The following RBPMS variants were observed in gnomAD, a reference collection of about 807,000 sequenced individuals.
RBPMS encodes RNA binding protein, mRNA processing factor, also known as RNA-binding protein with multiple splicing.
A neutral mutation model predicts 26.8 loss-of-function variants in RBPMS; 7 were observed. The ratio of observed to expected loss-of-function variants is 0.26; its 90% CI spans 0.15 to 0.49. The LOEUF (loss-of-function observed/expected upper bound fraction) is 0.49. Ranked by LOEUF, RBPMS falls within the 20% of genes least tolerant of loss-of-function variation. RBPMS has a pLI of 0.98. For synonymous variants in RBPMS, 96 were observed against 93.3 expected (o/e 1.03, Z -0.17); for missense variants, 186 against 250.0 (o/e 0.74, Z 1.73).
intron 4 of RBPMS, among the ~76,000 whole-genome samples, chr8:30,481,027 G>A (rs1818214971): frequency 1.3e-5 from 2 of 152,186 alleles, no homozygotes. Flanking sequence ...CTCATTTTCT[G>A]AACAATAGGC....
intron 1 of RBPMS, among the ~76,000 whole-genome samples, chr8:30,455,024 T>C (rs951423043): frequency 2.0e-5 from 3 of 152,262 alleles, no homozygotes; most frequent in African/African-American, 7.2e-5. Flanking sequence ...GGTTTCGCCA[T>C]GTTGGCCAGG....
chr8:30,496,434 G>C (rs539879204), intron 4 of RBPMS, among the ~76,000 whole-genome samples: 11 of 152,100 alleles, frequency 7.2e-5, no homozygotes, highest in East Asian at 5.8e-4. Flanking sequence ...TCCCAAAGTG[G>C]TGGGATTACA....
intron 5 of RBPMS, among the ~76,000 whole-genome samples, chr8:30,533,793 T>G (rs1026609404): frequency 6.6e-6 from 1 of 152,176 alleles, no homozygotes; most frequent in Non-Finnish European, 1.5e-5. Flanking sequence ...AATCAGGTTT[T>G]TTCCCCCCAC....
chr8:30,555,863 C>G (rs1826836643), intron 6 of RBPMS: 1 of 985,180 alleles, frequency 1.0e-6, no homozygotes, highest in African/African-American at 1.7e-5. Flanking sequence ...AGAGAACCCT[C>G]TCCTCATTAC....
chr8:30,409,916 C>A (rs1195153215), intron 1 of RBPMS, among the ~76,000 whole-genome samples: 1 of 152,160 alleles, frequency 6.6e-6, no homozygotes, highest in African/African-American at 2.4e-5. Context: ...TAGGCGTGAG[C>A]CACCGCACCC....
At chr8:30,455,254 A>T (rs1236181592) in intron 1 of RBPMS, among the ~76,000 whole-genome samples, 3 of 152,202 alleles carry the variant, frequency 2.0e-5, no homozygotes, top group African/African-American at 7.2e-5. Context: ...AATACTACCC[A>T]GTTAGGGCTT....
intron 8 of RBPMS, among the ~76,000 whole-genome samples, chr8:30,569,583 G>C (rs1828129422): frequency 2.0e-5 from 3 of 152,206 alleles, no homozygotes; most frequent in African/African-American, 7.2e-5. Flanking sequence ...GGATTTGGAA[G>C]CCACTGGAAA....
chr8:30,430,704 T>C (rs183065466), intron 1 of RBPMS, among the ~76,000 whole-genome samples: 109 of 152,374 alleles, frequency 7.2e-4, no homozygotes, highest in African/African-American at 2.3e-3. Context: ...GTTACACATA[T>C]AGCTTTGAGG....
chr8:30,497,873 C>T (rs1346621406), intron 4 of RBPMS, among the ~76,000 whole-genome samples: 3 of 151,888 alleles, frequency 2.0e-5, no homozygotes, highest in African/African-American at 4.8e-5. Flanking sequence ...CTGCCCGCCT[C>T]GGCCTCCCAA....
At chr8:30,566,391 CA>C (rs1827887190) in intron 8 of RBPMS, 31 bp downstream of exon 8, 2 of 783,924 alleles carry the variant, frequency 2.6e-6, no homozygotes, top group South Asian at 1.2e-4. Context: ...AACAAGCCCT[CA>C]GGGGCGGCAT....
intron 1 of RBPMS, among the ~76,000 whole-genome samples, chr8:30,451,507 A>G (rs1814587298): frequency 6.6e-6 from 1 of 152,140 alleles, no homozygotes; most frequent in Non-Finnish European, 1.5e-5. Context: ...TGAGATTCTG[A>G]TAGATATGGA....
chr8:30,567,273 C>T lies in RBPMS; in HGVS notation c.*111+913C>T, dbSNP rs529913430. On this transcript the variant is annotated intron_variant, in intron 8 of 8. Transcript: ENST00000397323. ...GGGCTTAAGTCACTTCATACTCCGACGATACCTCTCAGTGCCGACCCAGGA... is the reference window on the plus strand; with the variant it reads ...GGGCTTAAGTCACTTCATACTCCGATGATACCTCTCAGTGCCGACCCAGGA... Among the ~76,000 whole-genome samples, 15 of 152,324 alleles carry T rather than the reference C, an allele frequency of 9.8e-5. No individual in the cohort carries two copies. In the South Asian group the frequency reaches 1.7e-3, roughly 17 times the overall value.
At chr8:30,424,554 C>T (rs1365214488) in intron 1 of RBPMS, among the ~76,000 whole-genome samples, 2 of 152,200 alleles carry the variant, frequency 1.3e-5, no homozygotes, top group East Asian at 3.9e-4. Context: ...TAACTAGGTT[C>T]ATACTCTGCT....
chr8:30,536,128 C>CT (rs11440225), intron 5 of RBPMS, among the ~76,000 whole-genome samples: 53,869 of 138,110 alleles, frequency 0.39, 10,805 homozygotes, highest in South Asian at 0.52. Context: ...TCATCTCTCT[C>CT]TTTTTTTTTT....
intron 6 of RBPMS, among the ~76,000 whole-genome samples, chr8:30,550,462 C>G (rs1826263145): frequency 6.6e-6 from 1 of 152,144 alleles, no homozygotes; most frequent in African/African-American, 2.4e-5. Flanking sequence ...TTAAGGGGCA[C>G]TTGAATTTTC....
intron 5 of RBPMS, among the ~76,000 whole-genome samples, chr8:30,508,744 GT>G (rs1265062361): frequency 6.6e-6 from 1 of 151,896 alleles, no homozygotes; most frequent in African/African-American, 2.4e-5. Flanking sequence ...AACTTACAGT[GT>G]TACTGAGGTC....
chr8:30,560,307 G>A (rs1047597612), intron 7 of RBPMS, among the ~76,000 whole-genome samples: 1 of 152,112 alleles, frequency 6.6e-6, no homozygotes, highest in Non-Finnish European at 1.5e-5. Context: ...ATGAGCTCAG[G>A]TCCGAGTCAG....
chr8:30,528,181 A>G (rs1383965545), intron 5 of RBPMS, among the ~76,000 whole-genome samples: 1 of 152,230 alleles, frequency 6.6e-6, no homozygotes. Context: ...ATTCCAAAAA[A>G]AAAAAAAAAA....
At chr8:30,438,959 T>C (rs1812775983) in intron 1 of RBPMS, among the ~76,000 whole-genome samples, 1 of 152,014 alleles carries the variant, frequency 6.6e-6, no homozygotes, top group Non-Finnish European at 1.5e-5. Context: ...TTTTTAGAAA[T>C]AGAGATGGGG....
Sources: allele counts gnomAD v4.1 joint callset (sites outside exome capture counted in the v4.1 genomes callset), GRCh38; gene constraint gnomAD v4.1.1; transcripts MANE v1.5; gene names NCBI Gene and HGNC (gene_info 2026-07-23, HGNC 2026-07-21).